ULK4: variants seen among roughly 807,000 people sequenced by gnomAD.
ULK4 encodes the protein unc-51 like kinase 4, also known as inactive serine/threonine-protein kinase ULK4.
A neutral mutation model predicts 160.6 loss-of-function variants in ULK4; 133 were observed. The ratio of observed to expected loss-of-function variants is 0.83; its 90% CI spans 0.72 to 0.96. The LOEUF (loss-of-function observed/expected upper bound fraction) is 0.96, where lower values mean the gene tolerates loss of function less well. Ranked by LOEUF, ULK4 falls within the 40% of genes least tolerant of loss-of-function variation. ULK4 has a pLI of 0.00. For synonymous variants in ULK4, 534 were observed against 539.8 expected, an observed-to-expected ratio of 0.99 and a Z score of 0.15; for missense variants, 1,580 against 1,499.5, an observed-to-expected ratio of 1.05 and a Z score of -0.89.
chr3:41,319,876 G>A (rs2080214742), intron 35 of ULK4, among the ~76,000 whole-genome samples: 1 of 152,182 alleles, frequency 6.6e-6, no homozygotes, highest in Non-Finnish European at 1.5e-5. Flanking sequence ...GAGAGCCCAA[G>A]CCTTCTATTG....
At chr3:41,514,600 A>T (rs1385523189) in intron 32 of ULK4, among the ~76,000 whole-genome samples, 1 of 152,244 alleles carries the variant, frequency 6.6e-6, no homozygotes, top group Non-Finnish European at 1.5e-5. Flanking sequence ...TAATAGCCAT[A>T]AAAACAATGA....
chr3:41,790,495 C>G (rs185569776), intron 20 of ULK4, among the ~76,000 whole-genome samples: 31 of 152,180 alleles, frequency 2.0e-4, no homozygotes, highest in African/African-American at 6.5e-4. Context: ...TAGAAGTGGG[C>G]TCAATTAATC....
rs1266396956 is a variant in ULK4, at chr3:41,799,584, G to T, written c.2010+548C>A. ...TCGCCTCTAAATTGTTTTTAAGGCT[G>T]GGCGCGGTGGCTCATCCACGTAATT... On this transcript the variant is annotated intron_variant, in intron 20 of 36. Coordinates refer to ENST00000301831, the MANE Select transcript of ULK4 (RefSeq NM_017886.4). Among the ~76,000 whole-genome samples the T allele has an allele frequency of 3.3e-5, 5 of 152,264 alleles. No individual in the cohort carries two copies. The East Asian group carries it at 9.7e-4, about 29-fold the overall frequency.
chr3:41,378,882 A>G (rs1208749276), intron 35 of ULK4, among the ~76,000 whole-genome samples: 1 of 152,162 alleles, frequency 6.6e-6, no homozygotes, highest in Non-Finnish European at 1.5e-5. Flanking sequence ...GCCATAAAAA[A>G]GAATGAGTTC....
chr3:41,269,249 C>T (rs1483522096), intron 35 of ULK4, among the ~76,000 whole-genome samples: 1 of 151,976 alleles, frequency 6.6e-6, no homozygotes, highest in East Asian at 1.9e-4. Context: ...TAATTCCATC[C>T]ACCCCCATTA....
intron 30 of ULK4, among the ~76,000 whole-genome samples, chr3:41,640,014 T>C (rs557801795): frequency 2.6e-5 from 4 of 152,306 alleles, no homozygotes; most frequent in African/African-American, 9.6e-5. Flanking sequence ...AAACCAAGCA[T>C]CCACTGAAGG....
Position 41,777,267 on chromosome 3 carries a change from T to C in ULK4, c.2193+12394A>G, listed in dbSNP as rs1316287708. Reference sequence around the variant, plus strand: ...TGTATTTCTGTGGGATTGGTGGTGATATCCCCTTTATCATTTTTTATTGTG... The same window carrying C: ...TGTATTTCTGTGGGATTGGTGGTGACATCCCCTTTATCATTTTTTATTGTG... On this transcript the variant is annotated intron_variant, in intron 21 of 36. Coordinates refer to ENST00000301831, the MANE Select transcript of ULK4 (RefSeq NM_017886.4). Among the ~76,000 whole-genome samples the C allele has an allele frequency of 6.6e-3, 631 of 95,190 alleles. 40 individuals carry two copies. Among genetic ancestry groups the C allele is most frequent in the Non-Finnish European group, 7.6e-3 (406 of 53,094 alleles). The allele number at this position is 95,190 out of a possible 152,430, so 62.4% of individuals were successfully genotyped here. A position where few individuals can be genotyped will look rare whatever the true frequency, so the allele number is the denominator to read the frequency against.
At chr3:41,641,832 T>TAAAA (rs200237320) in intron 30 of ULK4, among the ~76,000 whole-genome samples, 1 of 142,284 alleles carries the variant, frequency 7.0e-6, no homozygotes, top group African/African-American at 2.5e-5. Context: ...AAAATGCAAG[T>TAAAA]AAAAAAAAAA....
chr3:41,298,486 A>G (rs1387769263), intron 35 of ULK4, among the ~76,000 whole-genome samples: 2 of 152,236 alleles, frequency 1.3e-5, no homozygotes, highest in East Asian at 1.9e-4. Flanking sequence ...TGCTATTTGG[A>G]AACATTGAAA....
chr3:41,937,740 T>C lies in ULK4; in HGVS notation c.238+358A>G, dbSNP rs116778103. 5.5e-3 allele frequency: 1,076 copies of C among 195,516 alleles called. 11 individuals are homozygous for C. The highest frequency in any genetic ancestry group is 0.024 in the African/African-American group (1,026 of 43,348). 12.1% of individuals were successfully genotyped at this position (195,516 alleles called of 1,614,324 possible). ...GCTGAAAATTTTATGAGGTACAGTA[T>C]GCTTTTCATAAAAACAAAGATACTT... On this transcript the variant is annotated intron_variant, in intron 3 of 36. Transcript: ENST00000301831.
At chr3:41,896,180 G>A (rs1717004) in intron 15 of ULK4, among the ~76,000 whole-genome samples, 123,817 of 152,170 alleles carry the variant, frequency 0.81, 54,719 homozygotes, top group Non-Finnish European at 0.98. Flanking sequence ...CGACACCCCC[G>A]ACCCATTCCA....
chr3:41,809,241 A>AT (rs1260481112), intron 19 of ULK4, among the ~76,000 whole-genome samples: 1 of 151,770 alleles, frequency 6.6e-6, no homozygotes, highest in African/African-American at 2.4e-5. Flanking sequence ...TGTAAGGTTT[A>AT]TTTTTTTATT....
At chr3:41,641,512 C>A (rs2034192523) in intron 30 of ULK4, among the ~76,000 whole-genome samples, 1 of 152,108 alleles carries the variant, frequency 6.6e-6, no homozygotes, top group African/African-American at 2.4e-5. Flanking sequence ...CTCTGGGCAA[C>A]ACAGGGAGAC....
At chr3:41,606,240 C>T (rs2032379146) in intron 31 of ULK4, among the ~76,000 whole-genome samples, 1 of 151,496 alleles carries the variant, frequency 6.6e-6, no homozygotes, top group Non-Finnish European at 1.5e-5. Flanking sequence ...AAGGACAAAA[C>T]GAAGAGTTAA....
intron 30 of ULK4, 86 bp downstream of exon 30, chr3:41,663,521 A>C (rs2035253201): frequency 8.0e-7 from 1 of 1,250,810 alleles, no homozygotes; most frequent in African/African-American, 1.5e-5. Flanking sequence ...AGTCTTTTGG[A>C]ATCTCATCTT....
chr3:41,732,283 A>G (rs2037857697), intron 22 of ULK4, among the ~76,000 whole-genome samples: 1 of 152,078 alleles, frequency 6.6e-6, no homozygotes, highest in Admixed American at 6.6e-5. Context: ...AAAAGAAAAA[A>G]AAATCTGCTA....
chr3:41,757,891 T>G (rs2038859249), intron 21 of ULK4, among the ~76,000 whole-genome samples: 1 of 152,082 alleles, frequency 6.6e-6, no homozygotes, highest in Non-Finnish European at 1.5e-5. Flanking sequence ...CCTCCCAAAG[T>G]GCTGGGATCA....
chr3:41,650,018 G>A (rs2034676587), intron 30 of ULK4, among the ~76,000 whole-genome samples: 1 of 152,122 alleles, frequency 6.6e-6, no homozygotes, highest in Non-Finnish European at 1.5e-5. Flanking sequence ...TACCCACTTT[G>A]GGTATACTCA....
chr3:41,654,636 G>A lies in ULK4; in HGVS notation c.3071+8971C>T, dbSNP rs1195069316. ...CTTTCGATTCAAGAGACTGATAAAAGAAGCAAAAACTCAAAATTTGCTCAC... is the reference window on the plus strand; with the variant it reads ...CTTTCGATTCAAGAGACTGATAAAAAAAGCAAAAACTCAAAATTTGCTCAC... On this transcript the variant is annotated intron_variant, in intron 30 of 36. Transcript: ENST00000301831. 2.0e-5 allele frequency among the ~76,000 whole-genome samples: 3 copies of A among 152,152 alleles called. No homozygotes were observed. The East Asian group carries it at 5.8e-4, about 29-fold the overall frequency.
Sources: allele counts gnomAD v4.1 joint callset (sites outside exome capture counted in the v4.1 genomes callset), GRCh38; gene constraint gnomAD v4.1.1; transcripts MANE v1.5; gene names NCBI Gene and HGNC (gene_info 2026-07-23, HGNC 2026-07-21).